ABCG2: variants seen among roughly 807,000 people sequenced by gnomAD.
The protein encoded by ABCG2 is ATP binding cassette subfamily G member 2 (JR blood group), also known as broad substrate specificity ATP-binding cassette transporter ABCG2.
In ABCG2, 80 loss-of-function variants were observed where a neutral mutation model predicts 73.5. That is an observed-to-expected ratio of 1.09 (90% CI 0.91 to 1.31). The LOEUF is 1.31. Among genes scored for constraint, ABCG2 ranks in the 50% most tolerant of loss-of-function variants. The pLI is 0.00. For synonymous variants in ABCG2, 269 were observed against 282.4 expected (o/e 0.95, Z 0.48); for missense variants, 796 against 786.2 (o/e 1.01, Z -0.15).
intron 5 of ABCG2, among the ~76,000 whole-genome samples, chr4:88,128,536 G>A (rs1724599248): frequency 6.6e-6 from 1 of 152,140 alleles, no homozygotes; most frequent in Non-Finnish European, 1.5e-5. Context: ...TGCCCATAAT[G>A]ATAGACTGAA....
In ABCG2 at chr4:88,106,642, G is replaced by A. The variant is rs562443197; in HGVS notation, c.1277+542C>T. Among the ~76,000 whole-genome samples the A allele has an allele frequency of 2.6e-5, 4 of 152,322 alleles. No homozygotes were observed. In the South Asian group the frequency reaches 6.2e-4, roughly 24 times the overall value. On this transcript the variant is annotated intron_variant, in intron 10 of 15. Coordinates refer to ENST00000237612, the MANE Select transcript of ABCG2 (RefSeq NM_004827.3). ...ATGAGATGGGAAGTTATTGCTTAAT[G>A]GGTACAGATATTCCACTTGAGAAGA...
chr4:88,127,807 C>T (rs1724536755), intron 5 of ABCG2, among the ~76,000 whole-genome samples: 1 of 152,144 alleles, frequency 6.6e-6, no homozygotes, highest in East Asian at 1.9e-4. Flanking sequence ...ACTGTAAAAA[C>T]CCCAGAAGAA....
chr4:88,222,733 C>T (rs541531257), intron 1 of ABCG2, among the ~76,000 whole-genome samples: 17 of 152,296 alleles, frequency 1.1e-4, no homozygotes, highest in East Asian at 9.7e-4. Flanking sequence ...AGTGGGGCAC[C>T]GCCTAGTGGA....
At chr4:88,149,612 G>A (rs1275149291) in intron 1 of ABCG2, among the ~76,000 whole-genome samples, 2 of 152,276 alleles carry the variant, frequency 1.3e-5, no homozygotes, top group East Asian at 3.9e-4. Context: ...AGCACTTTGG[G>A]AGGCCGAGGC....
rs1323007457 is a variant in ABCG2, at chr4:88,118,181, T to G, written c.769A>C (p.Thr257Pro). 2 of 1,614,058 alleles carry G rather than the reference T, an allele frequency of 1.2e-6. No homozygotes were observed. Among genetic ancestry groups the G allele is most frequent in the Non-Finnish European group, 1.7e-6 (2 of 1,179,988 alleles). Residue 257 changes from threonine (T) to proline (P), a missense_variant, in exon 7 of 16, where the codon ACC (threonine) becomes CCC (proline). Transcript: ENST00000237612. The stretch of plus-strand genomic sequence containing the variant: ...ATAAGTCTTCCTGAGGCCAATAAGG[T>G]GAGGCTATCAAACAACTTGAAGATG... ...YSIFKLFDSL[T>P]LLASGRLMFH...
At chr4:88,111,776 T>C (rs943965362) in intron 9 of ABCG2, among the ~76,000 whole-genome samples, 2 of 152,040 alleles carry the variant, frequency 1.3e-5, no homozygotes, top group Non-Finnish European at 2.9e-5. Context: ...TACTAATGTT[T>C]TGGGTGACAG....
intron 6 of ABCG2, among the ~76,000 whole-genome samples, chr4:88,120,298 C>T (rs1023547693): frequency 5.3e-5 from 8 of 152,180 alleles, no homozygotes; most frequent in African/African-American, 1.9e-4. Context: ...GTGGGAGCCC[C>T]TACACAGGGC....
At chr4:88,134,369 G>T (rs376371520) in intron 2 of ABCG2, among the ~76,000 whole-genome samples, 1 of 152,180 alleles carries the variant, frequency 6.6e-6, no homozygotes. Flanking sequence ...ATTAACTGGG[G>T]TATCTCTCAG....
intron 1 of ABCG2, among the ~76,000 whole-genome samples, chr4:88,196,005 C>T (rs1381584999): frequency 2.6e-5 from 4 of 152,214 alleles, no homozygotes; most frequent in Non-Finnish European, 5.9e-5. Context: ...TCACTAGTTT[C>T]AGGTGTTTCT....
chr4:88,189,062 A>C (rs1193730349), intron 1 of ABCG2, among the ~76,000 whole-genome samples: 2 of 152,154 alleles, frequency 1.3e-5, no homozygotes, highest in Non-Finnish European at 2.9e-5. Flanking sequence ...TCATGAACAC[A>C]GGATGTCTGC....
At chr4:88,118,957 A>G (rs1723777779) in intron 6 of ABCG2, among the ~76,000 whole-genome samples, 2 of 152,194 alleles carry the variant, frequency 1.3e-5, no homozygotes, top group East Asian at 3.8e-4. Flanking sequence ...AAATAGTGCT[A>G]AAGTACCTTT....
chr4:88,207,752 G>A (rs1729435534), intron 1 of ABCG2, among the ~76,000 whole-genome samples: 1 of 151,964 alleles, frequency 6.6e-6, no homozygotes, highest in Admixed American at 6.6e-5. Context: ...ACTATGTTAT[G>A]CAGGCTAGTC....
intron 1 of ABCG2, among the ~76,000 whole-genome samples, chr4:88,186,619 T>C (rs1728463442): frequency 6.6e-6 from 1 of 151,990 alleles, no homozygotes; most frequent in Non-Finnish European, 1.5e-5. Context: ...CTACTAAAAA[T>C]ACAAAAATTT....
intron 15 of ABCG2, among the ~76,000 whole-genome samples, chr4:88,093,566 C>T (rs2110169084): frequency 6.6e-6 from 1 of 150,464 alleles, no homozygotes; most frequent in South Asian, 2.1e-4. Flanking sequence ...GAAGCCTCAT[C>T]TTCCGTTACC....
At chr4:88,177,272 G>A (rs1728035404) in intron 1 of ABCG2, among the ~76,000 whole-genome samples, 1 of 152,010 alleles carries the variant, frequency 6.6e-6, no homozygotes, top group Admixed American at 6.6e-5. Flanking sequence ...TACTCGGGAG[G>A]GTGAGGCAGG....
At position 88,176,859 on chromosome 4, in the gene ABCG2, C is replaced by T. The variant is rs1459149574; in HGVS notation, c.-19-36845G>A. On this transcript the variant is annotated intron_variant, in intron 1 of 15. Transcript: ENST00000515655. Reference sequence around the variant, plus strand: ...TCCCTAATAATGAAATATGCTTATTCTATACTTAATTTCCTGAAGTGATAG... The same window carrying T: ...TCCCTAATAATGAAATATGCTTATTTTATACTTAATTTCCTGAAGTGATAG... 2.6e-5 allele frequency among the ~76,000 whole-genome samples: 4 copies of T among 151,806 alleles called. No homozygotes were observed. In the East Asian group the frequency reaches 7.7e-4, roughly 29 times the overall value.
chr4:88,197,706 G>C (rs1728990395), intron 1 of ABCG2, among the ~76,000 whole-genome samples: 1 of 152,106 alleles, frequency 6.6e-6, no homozygotes, highest in East Asian at 1.9e-4. Flanking sequence ...TTGGGAGACT[G>C]AGGCAGGTGG....
At chr4:88,216,073 C>G (rs565560652) in intron 1 of ABCG2, among the ~76,000 whole-genome samples, 1 of 152,218 alleles carries the variant, frequency 6.6e-6, no homozygotes, top group South Asian at 2.1e-4. Flanking sequence ...AAGAAGGGGA[C>G]GACTACACTT....
intron 1 of ABCG2, among the ~76,000 whole-genome samples, chr4:88,195,792 T>C (rs958523528): frequency 1.3e-5 from 2 of 152,194 alleles, no homozygotes; most frequent in African/African-American, 4.8e-5. Flanking sequence ...GCATGCACAG[T>C]GGCCTGTCAG....
Sources: allele counts gnomAD v4.1 joint callset (sites outside exome capture counted in the v4.1 genomes callset), GRCh38; gene constraint gnomAD v4.1.1; transcripts MANE v1.5; gene names NCBI Gene and HGNC (gene_info 2026-07-23, HGNC 2026-07-21).